Variants in ADAMTS18 observed in about 807,000 individuals in gnomAD.
ADAMTS18 encodes ADAM metallopeptidase with thrombospondin type 1 motif 18.
A neutral mutation model predicts 165.9 loss-of-function variants in ADAMTS18; 157 were observed. The ratio of observed to expected loss-of-function variants is 0.95; its 90% CI spans 0.83 to 1.08. The LOEUF is 1.08. ADAMTS18 is among the 50% of genes least tolerant of loss of function. ADAMTS18 has a pLI of 0.00. For synonymous variants in ADAMTS18, 782 were observed against 578.2 expected, an observed-to-expected ratio of 1.35 and a Z score of -5.06; for missense variants, 2,040 against 1,534.0, an observed-to-expected ratio of 1.33 and a Z score of -5.51.
At chr16:77,413,318 C>A (rs538262705) in intron 3 of ADAMTS18, among the ~76,000 whole-genome samples, 1 of 152,144 alleles carries the variant, frequency 6.6e-6, no homozygotes, top group Non-Finnish European at 1.5e-5. Context: ...AAGACAGGCT[C>A]TAACTCTCCA....
In ADAMTS18 at chr16:77,434,589, C is replaced by T. The variant is rs551235708; in HGVS notation, c.90+17G>A. 1.3e-6 allele frequency: 2 copies of T among 1,527,490 alleles called. No homozygotes were observed. Among genetic ancestry groups the T allele is most frequent in the African/African-American group, 1.4e-5 (1 of 72,212 alleles). 94.6% of individuals were successfully genotyped at this position (1,527,490 alleles called of 1,614,324 possible). ...CCCCTGCCACCCGCTCTCGGAGCTC[C>T]GCTCGGCGGCACCTGCCTTGGCCAC... On this transcript the variant is annotated intron_variant, in intron 1 of 22. Coordinates refer to ENST00000282849, the MANE Select transcript of ADAMTS18 (RefSeq NM_199355.4).
chr16:77,359,715 T>C (rs554059560), intron 7 of ADAMTS18, among the ~76,000 whole-genome samples: 126 of 152,286 alleles, frequency 8.3e-4, no homozygotes, highest in African/African-American at 2.9e-3. Flanking sequence ...TACATTTAGT[T>C]TAGTAAGTCA....
intron 16 of ADAMTS18, among the ~76,000 whole-genome samples, chr16:77,318,183 G>C (rs1417905611): frequency 6.6e-6 from 1 of 152,128 alleles, no homozygotes; most frequent in Non-Finnish European, 1.5e-5. Context: ...TGTCAGTATT[G>C]GTCAAAATAC....
chr16:77,320,140 G>T, intron 15 of ADAMTS18, 47 bp from the exon 16 acceptor site: 1 of 1,612,088 alleles, frequency 6.2e-7, no homozygotes. Context: ...CCATGCATTG[G>T]AGAAAAGGGA....
chr16:77,308,578 GAAAA>G (rs58305642), intron 16 of ADAMTS18, among the ~76,000 whole-genome samples: 8,591 of 146,424 alleles, frequency 0.059, 298 homozygotes, highest in South Asian at 0.16. Context: ...AGCTAATCAT[GAAAA>G]AAAAAAAAAA....
intron 22 of ADAMTS18, among the ~76,000 whole-genome samples, chr16:77,287,919 T>A (rs2055286503): frequency 6.6e-6 from 1 of 152,100 alleles, no homozygotes; most frequent in African/African-American, 2.4e-5. Flanking sequence ...ACAGGACCTT[T>A]TAAGAATAGG....
chr16:77,358,313 C>T (rs1162076256), intron 8 of ADAMTS18, among the ~76,000 whole-genome samples: 1 of 152,180 alleles, frequency 6.6e-6, no homozygotes, highest in African/African-American at 2.4e-5. Context: ...TGGTGGCTCA[C>T]ACCTGTAATC....
In ADAMTS18 at chr16:77,395,463, G is replaced by A. The variant is rs550650786; in HGVS notation, c.496-27740C>T. Among the ~76,000 whole-genome samples, 3 of 152,286 alleles carry A rather than the reference G, an allele frequency of 2.0e-5. No homozygotes were observed. The South Asian group carries it at 6.2e-4, about 32-fold the overall frequency. ...CATTCCCTCCACTGGGGCTGCTGGTGAGGTTTCCTCTCTGCCTAGTTAAGG... is the reference window on the plus strand; with the variant it reads ...CATTCCCTCCACTGGGGCTGCTGGTAAGGTTTCCTCTCTGCCTAGTTAAGG... On this transcript the variant is annotated intron_variant, in intron 3 of 22. Coordinates refer to ENST00000282849, the MANE Select transcript of ADAMTS18 (RefSeq NM_199355.4).
At chr16:77,357,583 T>A (rs888197244) in intron 8 of ADAMTS18, among the ~76,000 whole-genome samples, 2 of 152,124 alleles carry the variant, frequency 1.3e-5, no homozygotes, top group Non-Finnish European at 2.9e-5. Flanking sequence ...AGAGATGGGG[T>A]AGGAGAGATT....
intron 10 of ADAMTS18, among the ~76,000 whole-genome samples, chr16:77,352,767 C>A (rs374367454): frequency 6.6e-6 from 1 of 152,050 alleles, no homozygotes; most frequent in Non-Finnish European, 1.5e-5. Context: ...CTTAGAACTT[C>A]CATATTTCTC....
At chr16:77,353,247 G>T (rs2056581678) in intron 10 of ADAMTS18, among the ~76,000 whole-genome samples, 1 of 151,990 alleles carries the variant, frequency 6.6e-6, no homozygotes, top group African/African-American at 2.4e-5. Context: ...ATTCTTTGAA[G>T]AAAAGATGAC....
rs2057737274 is a variant in ADAMTS18 at position 77,431,362 on chromosome 16, C to T, written c.428G>A (p.Cys143Tyr). 1 of 1,614,110 alleles carries T rather than the reference C, an allele frequency of 6.2e-7. No homozygotes were observed. The highest frequency in any genetic ancestry group is 1.1e-5 in the South Asian group (1 of 91,070). ...ATTTCTGATAAATCCCTGATAGAAG[C>T]ATTGCTGCACCTCGGGTTTCTGAGT... ...SETQKPEVQQCFYQGFIRNDS... is the reference protein window; with the variant it reads ...SETQKPEVQQYFYQGFIRNDS... Residue 143 changes from cysteine (C) to tyrosine (Y), a missense_variant, in exon 3 of 23, where the codon TGC becomes TAC. By Grantham distance (194) the Cys-to-Tyr change is radical. Transcript: ENST00000282849.
In ADAMTS18 at chr16:77,295,059, T is replaced by G; in HGVS notation, c.2870A>C (p.Gln957Pro). ...TTGGAAGGGCTTCTTTTGCACACAC[T>G]GGATCTTTCGGCTCTGCTGGCCTCC... ...CAGGQQSRKI[Q>P]CVQKKPFQKE... Residue 957 changes from glutamine (Q) to proline (P), a missense_variant, in exon 19 of 23, where the codon CAG becomes CCG. Coordinates refer to ENST00000282849, the MANE Select transcript of ADAMTS18 (RefSeq NM_199355.4). The G allele has an allele frequency of 6.2e-7, 1 of 1,614,210 alleles. No individual in the cohort carries two copies.
chr16:77,404,718 C>A (rs1423104894), intron 3 of ADAMTS18, among the ~76,000 whole-genome samples: 1 of 152,146 alleles, frequency 6.6e-6, no homozygotes, highest in African/African-American at 2.4e-5. Flanking sequence ...TCACAGAGTG[C>A]ACTCTGTGAT....
At chr16:77,417,013 T>C (rs2057539283) in intron 3 of ADAMTS18, among the ~76,000 whole-genome samples, 1 of 152,204 alleles carries the variant, frequency 6.6e-6, no homozygotes, top group Non-Finnish European at 1.5e-5. Context: ...AGGCAGTTGC[T>C]TACATTGCTT....
chr16:77,431,378 G>C lies in ADAMTS18; in HGVS notation c.412C>G (p.Pro138Ala). The change falls in exon 3 of 23, where the codon CCC (proline) becomes GCC (alanine). Residue 138 changes from proline to alanine, a missense_variant. Transcript: ENST00000282849. Reference protein sequence around the residue: ...GKDGASETQKPEVQQCFYQGF... With the variant: ...GKDGASETQKAEVQQCFYQGF... ...TGATAGAAGCATTGCTGCACCTCGG[G>C]TTTCTGAGTCTCTGAAGCACCATCT... 1 of 1,614,112 alleles carries C rather than the reference G, an allele frequency of 6.2e-7. No individual in the cohort carries two copies. The highest frequency in any genetic ancestry group is 8.5e-7 in the Non-Finnish European group (1 of 1,180,036).
Position 77,325,841 on chromosome 16 carries a change from T to A in ADAMTS18, c.2032+25A>T, listed in dbSNP as rs771385479. 2.5e-6 allele frequency: 4 copies of A among 1,598,068 alleles called. No individual in the cohort carries two copies. In the African/African-American group the frequency reaches 4.0e-5, roughly 16 times the overall value. On this transcript the variant is annotated intron_variant, in intron 13 of 22. Coordinates refer to ENST00000282849, the MANE Select transcript of ADAMTS18 (RefSeq NM_199355.4). ...CATTATTATCCACATAGAGACTTAT[T>A]TGAATGTCATAGAGACCAAATTACC...
chr16:77,357,920 T>C (rs1045527120), intron 8 of ADAMTS18, among the ~76,000 whole-genome samples: 7 of 152,208 alleles, frequency 4.6e-5, no homozygotes, highest in African/African-American at 1.4e-4. Flanking sequence ...ATCTAAAATG[T>C]TGGATTTTGA....
At chr16:77,376,104 T>G (rs560622938) in intron 3 of ADAMTS18, among the ~76,000 whole-genome samples, 1 of 151,988 alleles carries the variant, frequency 6.6e-6, no homozygotes, top group Non-Finnish European at 1.5e-5. Context: ...GGTTTCTCCA[T>G]GTTGATCCGG....
Sources: gnomAD v4.1 joint callset for allele counts (sites outside exome capture counted in the v4.1 genomes callset) on GRCh38, gnomAD v4.1.1 for gene constraint, MANE v1.5 for transcripts, NCBI Gene and HGNC (gene_info 2026-07-23, HGNC 2026-07-21) for gene names.